Variants in PSMD2 observed in about 807,000 individuals in gnomAD.
PSMD2 encodes 26S proteasome non-ATPase regulatory subunit 2.
Under a neutral mutation model 101.5 loss-of-function variants are expected in PSMD2, and 8 were observed. The ratio of observed to expected loss-of-function variants is 0.08; its 90% CI spans 0.05 to 0.14. PSMD2 has a LOEUF of 0.14. Among genes scored for constraint, PSMD2 ranks in the 10% least tolerant of loss-of-function variants. The probability of loss-of-function intolerance (pLI) is 1.00; values close to 1 mark genes in which losing one functional copy is unlikely to be tolerated. For synonymous variants in PSMD2, 418 were observed against 433.8 expected, an observed-to-expected ratio of 0.96 and a Z score of 0.45; for missense variants, 784 against 1,147.4, an observed-to-expected ratio of 0.68 and a Z score of 4.58.
At position 184,306,381 on chromosome 3, in the gene PSMD2, G is replaced by C; in HGVS notation, c.1836G>C (p.Leu612=). 1 of 1,614,190 alleles carries C rather than the reference G, an allele frequency of 6.2e-7. No homozygotes were observed. Among genetic ancestry groups the C allele is most frequent in the Non-Finnish European group, 8.5e-7 (1 of 1,180,032 alleles). The change falls in exon 15 of 21, where the codon CTG becomes CTC. Residue 612 remains leucine (L), a synonymous_variant. Coordinates refer to ENST00000310118, the MANE Select transcript of PSMD2 (RefSeq NM_002808.5). ...GGAATGTGCTGAAGGTGCAGCAGCT[G>C]CTCCACATTTGTAGCGAACACTTTG... The part of the protein sequence containing the change: ...GSGNVLKVQQ[L]LHICSEHFDS...
intron 4 of PSMD2, 49 bp downstream of exon 4, chr3:184,301,707 A>G (rs1478202239): frequency 4.3e-6 from 7 of 1,611,716 alleles, no homozygotes; most frequent in Non-Finnish European, 5.9e-6. Flanking sequence ...AGGCTCTGAG[A>G]TAATTCAGAA....
rs961279662 is a variant in PSMD2 at position 184,308,839 on chromosome 3, C to T, written c.2676C>T (p.Pro892=). The T allele has an allele frequency of 6.2e-7, 1 of 1,612,946 alleles. No individual in the cohort carries two copies. The highest frequency in any genetic ancestry group is 8.5e-7 in the Non-Finnish European group (1 of 1,180,014). ...CTGAGGAGTTTCTTCCTGTTACCCC[C>T]ATTCTGGAAGGTTTTGTTATCCTTC... ...LATEEFLPVT[P]ILEGFVILRK... Residue 892 remains proline (P), a synonymous_variant, in exon 21 of 21, where the codon CCC becomes CCT. Coordinates refer to ENST00000310118, the MANE Select transcript of PSMD2 (RefSeq NM_002808.5). This position sits in a 1 kb window ranked among gnomAD's most constrained non-coding sequence, Gnocchi z 6.0.
At chr3:184,307,551 T>C in intron 17 of PSMD2, 26 bp downstream of exon 17, 2 of 1,614,146 alleles carry the variant, frequency 1.2e-6, no homozygotes, top group East Asian at 2.2e-5. Flanking sequence ...AAGAAGGTCA[T>C]AAACAGATTG....
Position 184,304,670 on chromosome 3 carries a change from G to A in PSMD2, c.1539+279G>A, listed in dbSNP as rs1301067610. ...GGAGGCTGCAGTGGGCGGATCACTT[G>A]AGCCCAGGAGTTCGAGACCAACCTG... On this transcript the variant is annotated intron_variant, in intron 12 of 20. Transcript: ENST00000310118. This position sits in a 1 kb window ranked among gnomAD's most constrained non-coding sequence, Gnocchi z 4.1. 6.6e-6 allele frequency among the ~76,000 whole-genome samples: 1 copy of A among 152,092 alleles called. No individual in the cohort carries two copies. The highest frequency in any genetic ancestry group is 1.9e-4 in the East Asian group (1 of 5,184).
rs1721562950 is a variant in PSMD2 at position 184,299,265 on chromosome 3, A to C, written c.-2A>C. 1 of 1,341,610 alleles carries C rather than the reference A, an allele frequency of 7.5e-7. No individual in the cohort carries two copies. Among genetic ancestry groups the C allele is most frequent in the Non-Finnish European group, 9.5e-7 (1 of 1,047,600 alleles). The allele number at this position is 1,341,610 out of a possible 1,614,324, so 83.1% of individuals were successfully genotyped here. On this transcript the variant is annotated 5_prime_UTR_variant, in exon 1 of 21. Transcript: ENST00000310118. The stretch of plus-strand genomic sequence containing the variant: ...CGCAGCGGGCCGGCAGTGGCGGCGG[A>C]GATGGAGGAGGGAGGCCGGGACAAG...
Position 184,299,893 on chromosome 3 carries a change from G to C in PSMD2, c.178G>C (p.Val60Leu), listed in dbSNP as rs777094564. The change falls in exon 2 of 21, where the codon GTG becomes CTG. Residue 60 changes from valine (V) to leucine (L), a missense_variant. By Grantham distance (32) the Val-to-Leu change is conservative. Transcript: ENST00000310118. ...GCTTCAAGATGAACTGGAGATGCTC[G>C]TGGAACGACTAGGGGTGAGTCACGA... ...KQLQDELEML[V>L]ERLGEKDTSL... 2 of 1,613,854 alleles carry C rather than the reference G, an allele frequency of 1.2e-6. No individual in the cohort carries two copies. Among genetic ancestry groups the C allele is most frequent in the Non-Finnish European group, 1.7e-6 (2 of 1,179,726 alleles).
At chr3:184,299,554 T>C (rs1027887769) in intron 1 of PSMD2, 153 bp downstream of exon 1, 30 of 1,074,574 alleles carry the variant, frequency 2.8e-5, no homozygotes, top group Non-Finnish European at 2.0e-5. Flanking sequence ...GCCTCTCTGC[T>C]CCTCATTCTC....
intron 5 of PSMD2, 24 bp from the exon 6 acceptor site, chr3:184,302,346 T>G: frequency 6.2e-7 from 1 of 1,602,634 alleles, no homozygotes; most frequent in Non-Finnish European, 8.5e-7. Context: ...CTTTCTGAAT[T>G]CTTTGTTACT....
At chr3:184,307,331 A>C (rs1281129520) in intron 16 of PSMD2, 26 bp from the exon 17 acceptor site, 1 of 1,612,328 alleles carries the variant, frequency 6.2e-7, no homozygotes, top group Non-Finnish European at 8.5e-7. Flanking sequence ...ATTCCGCCTT[A>C]CTGTTGTATT....
chr3:184,303,117 A>G (rs2272473), intron 8 of PSMD2, 55 bp downstream of exon 8: 452,285 of 1,572,658 alleles, frequency 0.29, 72,461 homozygotes, highest in African/African-American at 0.61. Flanking sequence ...TGCCCCTTGT[A>G]TTGGGAGTGA....
At chr3:184,305,633 T>C in intron 12 of PSMD2, 135 bp from the exon 13 acceptor site, 1 of 797,868 alleles carries the variant, frequency 1.3e-6, no homozygotes, top group Non-Finnish European at 2.0e-6. Flanking sequence ...ATGACTACTA[T>C]TGTTATTTTG....
chr3:184,299,491 C>G (rs1479881593), intron 1 of PSMD2, 90 bp downstream of exon 1: 4 of 1,304,944 alleles, frequency 3.1e-6, no homozygotes, highest in Non-Finnish European at 3.9e-6. Context: ...CCAACTACCC[C>G]ACCGCGCCAG....
intron 3 of PSMD2, 57 bp from the exon 4 acceptor site, chr3:184,301,480 A>G (rs553994041): frequency 8.1e-6 from 13 of 1,599,882 alleles, no homozygotes; most frequent in East Asian, 6.7e-5. Flanking sequence ...TCCACAATGC[A>G]TGCTCCCTTT....
Position 184,308,390 on chromosome 3 carries a change from G to GT in PSMD2, c.2426-56dup. 1 of 1,396,476 alleles carries GT rather than the reference G, an allele frequency of 7.2e-7. No individual in the cohort carries two copies. Among genetic ancestry groups the GT allele is most frequent in the Non-Finnish European group, 9.9e-7 (1 of 1,008,458 alleles). 86.5% of individuals were successfully genotyped at this position (1,396,476 alleles called of 1,614,324 possible). ...GTCAGCGCTGAGGTGGGCTCTCAAT[G>GT]TTTCTGGCCAGGCCTGTCTTTTTGT... On this transcript the variant is annotated intron_variant, in intron 19 of 20. Coordinates refer to ENST00000310118, the MANE Select transcript of PSMD2 (RefSeq NM_002808.5). The surrounding 1 kb of genome is among the most constrained non-coding windows in gnomAD (Gnocchi z 6.0).
At chr3:184,306,235 C>A in intron 14 of PSMD2, 80 bp downstream of exon 14, 1 of 1,595,264 alleles carries the variant, frequency 6.3e-7, no homozygotes, top group Non-Finnish European at 8.6e-7. Flanking sequence ...CAGGTTGTTT[C>A]TCCTTTCTCC....
In PSMD2 at chr3:184,308,339, C is replaced by T. The variant is rs1721915532; in HGVS notation, c.2426-110C>T. ...GTGTATGAGGGGAGGAGTGTGGATT[C>T]AGTCGTATGACTGACGGGTTAAAGG... On this transcript the variant is annotated intron_variant, in intron 19 of 20. Transcript: ENST00000310118. The surrounding 1 kb of genome is among the most constrained non-coding windows in gnomAD (Gnocchi z 6.0). 3 of 919,680 alleles carry T rather than the reference C, an allele frequency of 3.3e-6. No homozygotes were observed. Among genetic ancestry groups the T allele is most frequent in the African/African-American group, 1.7e-5 (1 of 60,410 alleles). The allele number at this position is 919,680 out of a possible 1,614,324, so 57.0% of individuals were successfully genotyped here.
In PSMD2 at chr3:184,308,917, G is replaced by T. The variant is rs768859770; in HGVS notation, c.*27G>T. 6.3e-7 allele frequency: 1 copy of T among 1,593,872 alleles called. No individual in the cohort carries two copies. The highest frequency in any genetic ancestry group is 1.7e-5 in the Admixed American group (1 of 58,930). ...TGACCACCAGGGGCTCTGAACTGCA[G>T]CTGATGTTATCAGCAGGCCATGCAT... On this transcript the variant is annotated 3_prime_UTR_variant, in exon 21 of 21. Coordinates refer to ENST00000310118, the MANE Select transcript of PSMD2 (RefSeq NM_002808.5). This position sits in a 1 kb window ranked among gnomAD's most constrained non-coding sequence, Gnocchi z 6.0.
At position 184,299,877 on chromosome 3, in the gene PSMD2, T is replaced by C; in HGVS notation, c.162T>C (p.Asp54=). Residue 54 remains aspartate (D), a synonymous_variant, in exon 2 of 21, where the codon GAT becomes GAC. Transcript: ENST00000310118. ...CTGAAGAGGATAAACAGCTTCAAGA[T>C]GAACTGGAGATGCTCGTGGAACGAC... The part of the protein sequence containing the change: ...ELSEEDKQLQ[D]ELEMLVERLG... 2 of 1,613,930 alleles carry C rather than the reference T, an allele frequency of 1.2e-6. No homozygotes were observed. Among genetic ancestry groups the C allele is most frequent in the Non-Finnish European group, 1.7e-6 (2 of 1,179,810 alleles).
Position 184,308,939 on chromosome 3 carries a change from G to A in PSMD2, c.*49G>A, listed in dbSNP as rs1399335160. On this transcript the variant is annotated 3_prime_UTR_variant, in exon 21 of 21. Transcript: ENST00000310118. This position sits in a 1 kb window ranked among gnomAD's most constrained non-coding sequence, Gnocchi z 6.0. The stretch of plus-strand genomic sequence containing the variant: ...GCAGCTGATGTTATCAGCAGGCCAT[G>A]CATCCTGCTGCCAAGGGTGGACACG... 2 of 1,546,682 alleles carry A rather than the reference G, an allele frequency of 1.3e-6. No homozygotes were observed. The highest frequency in any genetic ancestry group is 1.4e-5 in the African/African-American group (1 of 73,552).
Sources: gnomAD v4.1 joint callset for allele counts (sites outside exome capture counted in the v4.1 genomes callset) on GRCh38, gnomAD v4.1.1 for gene constraint, Gnocchi (gnomAD v3.1) non-coding constraint, MANE v1.5 for transcripts, NCBI Gene and HGNC (gene_info 2026-07-23, HGNC 2026-07-21) for gene names.